ITK: variants seen among roughly 807,000 people sequenced by gnomAD.
ITK encodes IL2 inducible T cell kinase.
In ITK, 45 loss-of-function variants were observed where a neutral mutation model predicts 87.6. The ratio of observed to expected loss-of-function variants is 0.51; its 90% CI spans 0.40 to 0.66. The LOEUF (loss-of-function observed/expected upper bound fraction) is 0.66, where lower values mean the gene tolerates loss of function less well. ITK is among the 30% of genes least tolerant of loss of function. The probability of loss-of-function intolerance (pLI) is 0.00; values close to 1 mark genes in which losing one functional copy is unlikely to be tolerated. For missense variants in ITK, 605 were observed against 766.3 expected (o/e 0.79, Z 2.48); for synonymous variants, 303 against 273.6 (o/e 1.11, Z -1.06).
intron 5 of ITK, among the ~76,000 whole-genome samples, chr5:157,219,066 T>G (rs1319279973): frequency 6.6e-6 from 1 of 151,258 alleles, no homozygotes; most frequent in East Asian, 1.9e-4. Context: ...GTAGGGAATA[T>G]GACCCTGACC....
intron 5 of ITK, among the ~76,000 whole-genome samples, chr5:157,218,706 A>G (rs1754351159): frequency 6.6e-6 from 1 of 152,198 alleles, no homozygotes; most frequent in South Asian, 2.1e-4. Flanking sequence ...AAATCCCAAG[A>G]CAGGTCTTGA....
At chr5:157,237,374 C>A (rs1250568378) in intron 8 of ITK, among the ~76,000 whole-genome samples, 1 of 152,110 alleles carries the variant, frequency 6.6e-6, no homozygotes, top group African/African-American at 2.4e-5. Flanking sequence ...AGTGGGGACT[C>A]CAAAAGTTGG....
chr5:157,194,458 A>G (rs1308301698), intron 1 of ITK, among the ~76,000 whole-genome samples: 2 of 152,238 alleles, frequency 1.3e-5, no homozygotes, highest in African/African-American at 2.4e-5. Flanking sequence ...TCTGGGAATA[A>G]CATTCTGGGA....
chr5:157,183,868 A>G (rs747018064), intron 1 of ITK, among the ~76,000 whole-genome samples: 3 of 152,196 alleles, frequency 2.0e-5, no homozygotes, highest in Admixed American at 6.5e-5. Flanking sequence ...TACATACTCA[A>G]GAACATATTC....
At chr5:157,242,166 T>C (rs976402191) in intron 11 of ITK, among the ~76,000 whole-genome samples, 4 of 152,148 alleles carry the variant, frequency 2.6e-5, no homozygotes, top group African/African-American at 9.7e-5. Flanking sequence ...GTGTTAAAAT[T>C]CTTTGGAATA....
intron 5 of ITK, among the ~76,000 whole-genome samples, chr5:157,219,458 T>C (rs1188637860): frequency 1.3e-5 from 2 of 152,172 alleles, no homozygotes; most frequent in Non-Finnish European, 2.9e-5. Flanking sequence ...AGCAAGTTCT[T>C]TAACAAGAGC....
intron 2 of ITK, among the ~76,000 whole-genome samples, 194 bp downstream of exon 2, chr5:157,209,187 C>T (rs925797269): frequency 1.3e-5 from 2 of 152,054 alleles, no homozygotes; most frequent in Non-Finnish European, 2.9e-5. Context: ...AAAAAATTAG[C>T]TGGGCGTACT....
Position 157,223,032 on chromosome 5 carries a change from C to G in ITK, c.647+18C>G, listed in dbSNP as rs1754455244. 3 of 1,613,776 alleles carry G rather than the reference C, an allele frequency of 1.9e-6. No homozygotes were observed. In the African/African-American group the frequency reaches 4.0e-5, roughly 22 times the overall value. ...AGGAATGGGTAAGTCATCTTTGTGG[C>G]TGCTGTCCCCGTGTTTGAGGTGTGG... On this transcript the variant is annotated intron_variant, in intron 6 of 16. Coordinates refer to ENST00000422843, the MANE Select transcript of ITK (RefSeq NM_005546.4).
chr5:157,252,675 T>A lies in ITK; in HGVS notation c.1860T>A (p.Leu620=). 1 of 1,611,436 alleles carries A rather than the reference T, an allele frequency of 6.2e-7. No individual in the cohort carries two copies. Among genetic ancestry groups the A allele is most frequent in the Non-Finnish European group, 8.5e-7 (1 of 1,177,534 alleles). ...RQLAEIAESG[L] The stretch of plus-strand genomic sequence containing the variant: ...TGGCTGAAATTGCAGAATCAGGACT[T>A]TAGTAGAGACTGAGTACCAGGCCAC... Residue 620 remains leucine (L), a synonymous_variant, in exon 17 of 17, where the codon CTT becomes CTA. Transcript: ENST00000422843.
At chr5:157,225,529 G>A (rs1410585005) in intron 6 of ITK, among the ~76,000 whole-genome samples, 6 of 151,908 alleles carry the variant, frequency 3.9e-5, no homozygotes, top group African/African-American at 1.5e-4. Context: ...ACATACACCA[G>A]AATTTACATT....
chr5:157,248,732 T>C, intron 15 of ITK, 118 bp from the exon 16 acceptor site: 2 of 1,167,792 alleles, frequency 1.7e-6, no homozygotes, highest in Non-Finnish European at 2.5e-6. Flanking sequence ...CTTGATGCAC[T>C]TCTGGAGGTA....
intron 1 of ITK, among the ~76,000 whole-genome samples, chr5:157,193,247 A>G (rs926030858): frequency 6.6e-6 from 1 of 152,174 alleles, no homozygotes; most frequent in African/African-American, 2.4e-5. Context: ...GAAATTGTGT[A>G]TCTCTGCCAA....
intron 7 of ITK, among the ~76,000 whole-genome samples, chr5:157,228,892 T>A (rs1213331090): frequency 6.6e-6 from 1 of 152,184 alleles, no homozygotes; most frequent in East Asian, 1.9e-4. Flanking sequence ...CCTCCCAAAC[T>A]GCTGGGATCA....
intron 2 of ITK, among the ~76,000 whole-genome samples, chr5:157,209,850 T>C (rs1754153229): frequency 6.6e-6 from 1 of 152,178 alleles, no homozygotes; most frequent in South Asian, 2.1e-4. Context: ...ACATTTCACA[T>C]GTTCAATAGC....
At position 157,219,243 on chromosome 5, in the gene ITK, G is replaced by T. The variant is rs1325781077; in HGVS notation, c.495+1336G>T. Among the ~76,000 whole-genome samples the T allele has an allele frequency of 3.3e-5, 5 of 151,680 alleles. 1 individual carries two copies. Among genetic ancestry groups the T allele is most frequent in the Non-Finnish European group, 7.4e-5 (5 of 67,964 alleles). ...TTCTCCTGCCTCAGCCTCCTGAGTAGCTGGGATTACAGGCGCTCACCATCA... is the reference window on the plus strand; with the variant it reads ...TTCTCCTGCCTCAGCCTCCTGAGTATCTGGGATTACAGGCGCTCACCATCA... On this transcript the variant is annotated intron_variant, in intron 5 of 16. Transcript: ENST00000422843.
intron 1 of ITK, among the ~76,000 whole-genome samples, chr5:157,185,211 T>C (rs1478585214): frequency 6.6e-6 from 1 of 152,034 alleles, no homozygotes; most frequent in African/African-American, 2.4e-5. Flanking sequence ...GTATAAATTA[T>C]ATAATGCTGT....
intron 1 of ITK, among the ~76,000 whole-genome samples, chr5:157,198,301 C>A (rs1270212961): frequency 2.6e-5 from 4 of 152,160 alleles, no homozygotes; most frequent in African/African-American, 9.7e-5. Flanking sequence ...CTTTTCTTTT[C>A]TTTCCTTCTT....
At chr5:157,207,272 GAT>G (rs914740587) in intron 1 of ITK, among the ~76,000 whole-genome samples, 13 of 149,990 alleles carry the variant, frequency 8.7e-5, no homozygotes, top group South Asian at 4.2e-4. Flanking sequence ...ACTGAGGGCA[GAT>G]CTCCCCCACC....
At chr5:157,192,547 C>A in intron 1 of ITK, among the ~76,000 whole-genome samples, 1 of 152,226 alleles carries the variant, frequency 6.6e-6, no homozygotes, top group Non-Finnish European at 1.5e-5. Flanking sequence ...CGGGCTAATT[C>A]TTTACTCTCT....
Sources: allele counts gnomAD v4.1 joint callset (sites outside exome capture counted in the v4.1 genomes callset), GRCh38; gene constraint gnomAD v4.1.1; transcripts MANE v1.5; gene names NCBI Gene and HGNC (gene_info 2026-07-23, HGNC 2026-07-21).